Variants in NRG1 observed in about 807,000 individuals in gnomAD.
The protein encoded by NRG1 is neuregulin 1.
A neutral mutation model predicts 63.8 loss-of-function variants in NRG1; 18 were observed. The ratio of observed to expected loss-of-function variants is 0.28; its 90% confidence interval spans 0.19 to 0.42. The LOEUF (loss-of-function observed/expected upper bound fraction) is 0.42. Among genes scored for constraint, NRG1 ranks in the 10% least tolerant of loss-of-function variants. The pLI is 1.00. For missense variants in NRG1, 762 were observed against 814.7 expected (o/e 0.94, Z 0.79); for synonymous variants, 302 against 301.3 (o/e 1.00, Z -0.02).
At chr8:32,122,496 T>C (rs1057422543) in intron 1 of NRG1, among the ~76,000 whole-genome samples, 1 of 152,010 alleles carries the variant, frequency 6.6e-6, no homozygotes, top group East Asian at 1.9e-4. Context: ...CAATTATAAC[T>C]CCATTTACAG....
intron 1 of NRG1, among the ~76,000 whole-genome samples, chr8:31,651,603 A>AT (rs1335295359): frequency 6.6e-6 from 1 of 152,108 alleles, no homozygotes; most frequent in Admixed American, 6.5e-5. Context: ...TCAAATTATG[A>AT]TTTTTATGGT....
At chr8:32,608,000 A>T (rs1464568534) in intron 3 of NRG1, among the ~76,000 whole-genome samples, 1 of 152,034 alleles carries the variant, frequency 6.6e-6, no homozygotes, top group Non-Finnish European at 1.5e-5. Context: ...TCATTGTATT[A>T]AAAAAGAATA....
intron 1 of NRG1, among the ~76,000 whole-genome samples, chr8:32,562,335 A>G (rs988281827): frequency 1.3e-5 from 2 of 151,962 alleles, no homozygotes; most frequent in African/African-American, 4.8e-5. Flanking sequence ...GTAGCCTGGG[A>G]CTCCTGGGCT....
At chr8:32,536,418 A>C (rs535677895) in intron 1 of NRG1, among the ~76,000 whole-genome samples, 4 of 152,308 alleles carry the variant, frequency 2.6e-5, no homozygotes, top group African/African-American at 9.6e-5. Context: ...ATTTCTCTTC[A>C]GGAAAGGTTC....
At chr8:32,038,997 G>A (rs952776502) in intron 1 of NRG1, among the ~76,000 whole-genome samples, 3 of 152,050 alleles carry the variant, frequency 2.0e-5, no homozygotes, top group Middle Eastern at 3.2e-3. Context: ...TCATTACATT[G>A]AACACTGACC....
At chr8:31,889,770 G>C (rs1382357866) in intron 1 of NRG1, among the ~76,000 whole-genome samples, 2 of 152,196 alleles carry the variant, frequency 1.3e-5, no homozygotes, top group African/African-American at 2.4e-5. Context: ...AAGTGTGTGG[G>C]CTGGCGACCA....
At chr8:31,694,339 G>T (rs1403590694) in intron 1 of NRG1, among the ~76,000 whole-genome samples, 1 of 152,174 alleles carries the variant, frequency 6.6e-6, no homozygotes, top group Non-Finnish European at 1.5e-5. Flanking sequence ...TTTGATCTCA[G>T]CCCTTCTCTG....
intron 5 of NRG1, among the ~76,000 whole-genome samples, chr8:32,618,397 T>C (rs1359079504): frequency 1.3e-5 from 2 of 152,232 alleles, no homozygotes; most frequent in African/African-American, 4.8e-5. Context: ...TTTGAGAATG[T>C]AAAAAAATAC....
At chr8:32,629,290 G>C (rs1405460571) in intron 5 of NRG1, among the ~76,000 whole-genome samples, 1 of 152,108 alleles carries the variant, frequency 6.6e-6, no homozygotes. Flanking sequence ...CATAGCTCTT[G>C]CTTGAACCAC....
downstream of NRG1, among the ~76,000 whole-genome samples, chr8:32,769,351 T>A (rs377109511): frequency 2.0e-5 from 3 of 152,216 alleles, no homozygotes; most frequent in East Asian, 5.8e-4. Flanking sequence ...GTCTGGATAA[T>A]TACTATAATT....
rs1455526393 is a variant in NRG1 at position 31,640,352 on chromosome 8, G to C, written c.37+921G>C. On this transcript the variant is annotated intron_variant, in intron 1 of 10. Coordinates refer to the NRG1 transcript ENST00000519301. The surrounding 1 kb of genome is among the most constrained non-coding windows in gnomAD (Gnocchi z 6.3). ...CGCGAGCCGCCAGCCGCGGGCCCAC[G>C]GGCGCTGGGGCCGCCCGCCGAGGAG... is the stretch of plus-strand genomic sequence containing the variant. The C allele has an allele frequency of 9.1e-6, 11 of 1,212,750 alleles. No homozygotes were observed. In the South Asian group the frequency reaches 3.2e-4, roughly 35 times the overall value. The allele number at this position is 1,212,750 out of a possible 1,614,324, so 75.1% of individuals were successfully genotyped here.
intron 5 of NRG1, among the ~76,000 whole-genome samples, chr8:32,707,567 G>A (rs1816741170): frequency 6.6e-6 from 1 of 152,004 alleles, no homozygotes; most frequent in Admixed American, 6.6e-5. Flanking sequence ...AATCATATGA[G>A]TGGGTTTCTG....
intron 1 of NRG1, among the ~76,000 whole-genome samples, chr8:32,251,750 C>A (rs1349211101): frequency 2.0e-5 from 3 of 152,078 alleles, no homozygotes; most frequent in Non-Finnish European, 4.4e-5. Context: ...CCATTCAAAC[C>A]GGCGTGAGAT....
intron 1 of NRG1, among the ~76,000 whole-genome samples, chr8:31,719,668 G>A (rs190532062): frequency 1.1e-4 from 16 of 152,226 alleles, no homozygotes; most frequent in African/African-American, 3.6e-4. Flanking sequence ...AAGGTCAACT[G>A]GGGTTTATTT....
intron 1 of NRG1, among the ~76,000 whole-genome samples, chr8:32,367,439 G>A (rs1431859151): frequency 6.6e-6 from 1 of 151,176 alleles, no homozygotes. Context: ...CTAGCCAATT[G>A]TATGTATTCT....
At chr8:31,821,456 A>G (rs1423262204) in intron 1 of NRG1, among the ~76,000 whole-genome samples, 1 of 152,220 alleles carries the variant, frequency 6.6e-6, no homozygotes, top group Non-Finnish European at 1.5e-5. Flanking sequence ...ATCCCAGAAT[A>G]GTTCTACTCC....
At chr8:32,451,841 T>A (rs762682909) in intron 1 of NRG1, among the ~76,000 whole-genome samples, 1 of 152,228 alleles carries the variant, frequency 6.6e-6, no homozygotes, top group African/African-American at 2.4e-5. Context: ...TCCTTCTTTT[T>A]TTTAGACAAG....
intron 1 of NRG1, among the ~76,000 whole-genome samples, chr8:32,402,823 T>C (rs928573754): frequency 6.6e-6 from 1 of 152,160 alleles, no homozygotes; most frequent in Non-Finnish European, 1.5e-5. Flanking sequence ...AAAAGATATT[T>C]GTGCATAGTA....
intron 1 of NRG1, among the ~76,000 whole-genome samples, chr8:32,104,171 T>G (rs867502445): frequency 6.6e-6 from 1 of 152,218 alleles, no homozygotes; most frequent in Non-Finnish European, 1.5e-5. Context: ...ACTAGGCTTA[T>G]GTGGTCTAGC....
Sources: allele counts gnomAD v4.1 joint callset (sites outside exome capture counted in the v4.1 genomes callset), GRCh38; gene constraint gnomAD v4.1.1; non-coding constraint Gnocchi (gnomAD v3.1); transcripts MANE v1.5; gene names NCBI Gene and HGNC (gene_info 2026-07-23, HGNC 2026-07-21).